KIAA1143: variants seen among roughly 807,000 people sequenced by gnomAD.
KIAA1143 encodes KIAA1143.
Under a neutral mutation model 17.0 loss-of-function variants are expected in KIAA1143, and 8 were observed. The ratio of observed to expected loss-of-function variants is 0.47; its 90% CI spans 0.28 to 0.85. The LOEUF (loss-of-function observed/expected upper bound fraction) is 0.85. Among genes scored for constraint, KIAA1143 ranks in the 40% least tolerant of loss-of-function variants. The pLI is 0.12. For synonymous variants in KIAA1143, 64 were observed against 67.8 expected (o/e 0.94, Z 0.27); for missense variants, 162 against 183.3 (o/e 0.88, Z 0.67).
rs1237021248 is a variant in KIAA1143, at chr3:44,749,759, G to GAAT, written c.*3579_*3581dup. On this transcript the variant is annotated 3_prime_UTR_variant, in exon 3 of 3. Transcript: ENST00000296121. ...TAATGTGAATAAACAAAAACAAAGA[G>GAAT]AATATGGGTAATTCTTTTTTTAAAA... 6.6e-6 allele frequency: 1 copy of GAAT among 152,232 alleles called. No homozygotes were observed. The highest frequency in any genetic ancestry group is 1.5e-5 in the Non-Finnish European group (1 of 68,006). 9.4% of individuals were successfully genotyped at this position (152,232 alleles called of 1,614,324 possible).
rs1704885126 is a variant in KIAA1143 at position 44,751,004 on chromosome 3, AGGGCACAATTGAAAC to A, written c.*2322_*2336del. 1 of 140,870 alleles carries A rather than the reference AGGGCACAATTGAAAC, an allele frequency of 7.1e-6. No individual in the cohort carries two copies. The highest frequency in any genetic ancestry group is 2.7e-5 in the African/African-American group (1 of 37,260). The allele number at this position is 140,870 out of a possible 1,614,324, so 8.7% of individuals were successfully genotyped here. ...TAATAACCACGTTTTCTTTTGTAAT[AGGGCACAATTGAAAC>A]CGGTTACTTTCTCAGGACTTTGACT... On this transcript the variant is annotated 3_prime_UTR_variant, in exon 3 of 3. Transcript: ENST00000296121.
At chr3:44,754,156 T>C (rs113887554) in intron 2 of KIAA1143, 68 bp downstream of exon 2, 1 of 1,533,442 alleles carries the variant, frequency 6.5e-7, no homozygotes, top group Non-Finnish European at 8.9e-7. Context: ...CACTACTAAA[T>C]AAAATAAACA....
chr3:44,757,544 G>A (rs1406682811), intron 1 of KIAA1143, among the ~76,000 whole-genome samples: 1 of 152,184 alleles, frequency 6.6e-6, no homozygotes, highest in Non-Finnish European at 1.5e-5. Flanking sequence ...CCACTACTTC[G>A]TGCCAGGCAC....
chr3:44,754,335 C>A lies in KIAA1143; in HGVS notation c.142G>T (p.Asp48Tyr). 1.9e-6 allele frequency: 3 copies of A among 1,613,962 alleles called. No homozygotes were observed. Among genetic ancestry groups the A allele is most frequent in the Middle Eastern group, 1.7e-4 (1 of 6,060 alleles). Residue 48 changes from aspartate to tyrosine, a missense_variant, in exon 2 of 3, where the codon GAT becomes TAT. Asp to Tyr is a radical substitution (Grantham distance 160, BLOSUM62 -3). Transcript: ENST00000296121. Reference sequence around the variant, plus strand: ...TGTTCATCTTCTTTGTCACTGTGATCCCCATCTTCATCTGGGGGCTGAGGC... The same window carrying A: ...TGTTCATCTTCTTTGTCACTGTGATACCCATCTTCATCTGGGGGCTGAGGC... Reference protein sequence around the residue: ...IQPQPPDEDGDHSDKEDEQPQ... With the variant: ...IQPQPPDEDGYHSDKEDEQPQ...
At chr3:44,753,649 G>T in intron 2 of KIAA1143, 97 bp from the exon 3 acceptor site, 1 of 1,187,364 alleles carries the variant, frequency 8.4e-7, no homozygotes, top group Non-Finnish European at 1.2e-6. Flanking sequence ...TGTATTTAAG[G>T]ATATCCCTGA....
At position 44,761,564 on chromosome 3, in the gene KIAA1143, G is replaced by T. The variant is rs779041973; in HGVS notation, c.39C>A (p.Ala13=). Residue 13 remains alanine (A), a synonymous_variant, in exon 1 of 3, where the codon GCC becomes GCA. Transcript: ENST00000296121. ...KRNQVSYVRP[A]EPAFLARFKE... ...TGAAGCGGGCCAGAAACGCCGGCTC[G>T]GCTGGCCGCACGTACGATACCTGGT... 4.3e-6 allele frequency: 7 copies of T among 1,613,976 alleles called. No individual in the cohort carries two copies. In the Admixed American group the frequency reaches 1.2e-4, roughly 27 times the overall value.
intron 1 of KIAA1143, among the ~76,000 whole-genome samples, chr3:44,759,201 C>T (rs962473665): frequency 2.6e-5 from 4 of 152,090 alleles, no homozygotes; most frequent in Non-Finnish European, 5.9e-5. Flanking sequence ...ATAGAAATTA[C>T]TCCTTGATCC....
In KIAA1143 at chr3:44,754,317, C is replaced by A. The variant is rs778495103; in HGVS notation, c.160G>T (p.Asp54Tyr). The change falls in exon 2 of 3, where the codon GAT (aspartate) becomes TAT (tyrosine). Residue 54 changes from aspartate (D) to tyrosine (Y), a missense_variant. Coordinates refer to ENST00000296121, the MANE Select transcript of KIAA1143 (RefSeq NM_020696.4). The part of the protein sequence containing the change: ...DEDGDHSDKE[D>Y]EQPQVVVLKK... ...AAAACCACCACTTGAGGCTGTTCATCTTCTTTGTCACTGTGATCCCCATCT... is the reference window on the plus strand; with the variant it reads ...AAAACCACCACTTGAGGCTGTTCATATTCTTTGTCACTGTGATCCCCATCT... 4.3e-6 allele frequency: 7 copies of A among 1,613,802 alleles called. No individual in the cohort carries two copies. In the African/African-American group the frequency reaches 8.0e-5, roughly 18 times the overall value.
chr3:44,760,387 C>T (rs561542387), intron 1 of KIAA1143, among the ~76,000 whole-genome samples: 1 of 152,222 alleles, frequency 6.6e-6, no homozygotes, highest in South Asian at 2.1e-4. Flanking sequence ...TCTGCTTACT[C>T]TTCTTTTTTT....
chr3:44,755,272 C>A (rs1158809384), intron 1 of KIAA1143, among the ~76,000 whole-genome samples: 2 of 152,144 alleles, frequency 1.3e-5, no homozygotes, highest in East Asian at 3.9e-4. Context: ...AAACCTCATG[C>A]ACCCATTTTT....
intron 2 of KIAA1143, 23 bp from the exon 3 acceptor site, chr3:44,753,575 A>G: frequency 6.3e-7 from 1 of 1,591,596 alleles, no homozygotes; most frequent in South Asian, 1.1e-5. Context: ...AGAATTTTTA[A>G]GAACTTTCTT....
At position 44,761,545 on chromosome 3, in the gene KIAA1143, G is replaced by T. The variant is rs1212082446; in HGVS notation, c.58C>A (p.Arg20Ser). ...CTGTAGCCGACCCGTTCCTTGAAGC[G>T]GGCCAGAAACGCCGGCTCGGCTGGC... is the stretch of plus-strand genomic sequence containing the variant. ...VRPAEPAFLA[R>S]FKERVGYREG... The change falls in exon 1 of 3, where the codon CGC becomes AGC. Residue 20 changes from arginine (R) to serine (S), a missense_variant. Arg to Ser is a moderately radical substitution (Grantham distance 110, BLOSUM62 -1). This residue lies in a region of KIAA1143 where 137 missense variants were observed against 132.5 expected (regional missense o/e 1.03). Transcript: ENST00000296121. 6 of 1,614,128 alleles carry T rather than the reference G, an allele frequency of 3.7e-6. No homozygotes were observed. Among genetic ancestry groups the T allele is most frequent in the African/African-American group, 1.3e-5 (1 of 75,024 alleles).
At position 44,759,416 on chromosome 3, in the gene KIAA1143, C is replaced by T. The variant is rs537405793; in HGVS notation, c.108+2079G>A. ...ACCATATTATAAAGAGATGTGCTGT[C>T]ATCAAGGTTTTGTTTTTCCATTTCT... On this transcript the variant is annotated intron_variant, in intron 1 of 2. Coordinates refer to ENST00000296121, the MANE Select transcript of KIAA1143 (RefSeq NM_020696.4). Among the ~76,000 whole-genome samples, 31 of 152,214 alleles carry T rather than the reference C, an allele frequency of 2.0e-4. No homozygotes were observed. In the Middle Eastern group the frequency reaches 0.01, roughly 50 times the overall value.
chr3:44,755,245 T>A (rs1358172094), intron 1 of KIAA1143, among the ~76,000 whole-genome samples: 1 of 152,216 alleles, frequency 6.6e-6, no homozygotes, highest in Non-Finnish European at 1.5e-5. Context: ...GTTTCCAGAT[T>A]TTTTTCTACT....
chr3:44,754,576 T>C (rs1704939591), intron 1 of KIAA1143, among the ~76,000 whole-genome samples: 1 of 152,152 alleles, frequency 6.6e-6, no homozygotes, highest in Admixed American at 6.5e-5. Flanking sequence ...GCCTGTCCGG[T>C]GGGATTCATT....
chr3:44,751,726 C>T lies in KIAA1143; in HGVS notation c.*1615G>A, dbSNP rs1257072175. On this transcript the variant is annotated 3_prime_UTR_variant, in exon 3 of 3. Transcript: ENST00000296121. ...GGTTTTTGGACCATATCTGTTAAAT[C>T]TTTTAACCAAATCCATTTCCTTTTG... 1.3e-5 allele frequency: 2 copies of T among 152,162 alleles called. No homozygotes were observed. The highest frequency in any genetic ancestry group is 2.4e-5 in the African/African-American group (1 of 41,430). 9.4% of individuals were successfully genotyped at this position (152,162 alleles called of 1,614,324 possible). A position where few individuals can be genotyped will look rare whatever the true frequency, so the allele number is the denominator to read the frequency against.
chr3:44,760,686 CTT>C (rs543256879), intron 1 of KIAA1143, among the ~76,000 whole-genome samples: 6 of 139,136 alleles, frequency 4.3e-5, no homozygotes, highest in Non-Finnish European at 7.8e-5. Flanking sequence ...CCAGGCCCGG[CTT>C]TTTTTTTTTT....
chr3:44,749,873 G>A lies in KIAA1143; in HGVS notation c.*3468C>T, dbSNP rs1007412268. 6.6e-5 allele frequency: 10 copies of A among 152,178 alleles called. No individual in the cohort carries two copies. The highest frequency in any genetic ancestry group is 1.9e-4 in the East Asian group (1 of 5,198). 9.4% of individuals were successfully genotyped at this position (152,178 alleles called of 1,614,324 possible). ...TGGTGCAATCATAGCTCACTGCAGCGTTGAACTCCTGGGCCCAAGCCATCC... is the reference window on the plus strand; with the variant it reads ...TGGTGCAATCATAGCTCACTGCAGCATTGAACTCCTGGGCCCAAGCCATCC... On this transcript the variant is annotated 3_prime_UTR_variant, in exon 3 of 3. Coordinates refer to ENST00000296121, the MANE Select transcript of KIAA1143 (RefSeq NM_020696.4).
chr3:44,761,365 T>A (rs1007287782), intron 1 of KIAA1143, 130 bp downstream of exon 1: 12 of 661,800 alleles, frequency 1.8e-5, no homozygotes, highest in Non-Finnish European at 5.3e-6. Flanking sequence ...GGGGTCCGAG[T>A]TCCACCGGAA....
Sources: allele counts gnomAD v4.1 joint callset (sites outside exome capture counted in the v4.1 genomes callset), GRCh38; gene constraint gnomAD v4.1.1; regional missense constraint gnomAD v4.1.1; transcripts MANE v1.5; gene names NCBI Gene and HGNC (gene_info 2026-07-23, HGNC 2026-07-21).